The following ADAMTS16 variants were observed in gnomAD, a reference collection of about 807,000 sequenced individuals.
The protein encoded by ADAMTS16 is ADAM metallopeptidase with thrombospondin type 1 motif 16, also known as A disintegrin and metalloproteinase with thrombospondin motifs 16.
Under a neutral mutation model 145.8 loss-of-function variants are expected in ADAMTS16, and 94 were observed. The observed-to-expected ratio is 0.64, with a 90% CI of 0.55 to 0.77. The LOEUF (loss-of-function observed/expected upper bound fraction) is 0.77, where lower values mean the gene tolerates loss of function less well. Among genes scored for constraint, ADAMTS16 ranks in the 30% least tolerant of loss-of-function variants. The probability of loss-of-function intolerance (pLI) is 0.00; values close to 1 mark genes in which losing one functional copy is unlikely to be tolerated. For missense variants in ADAMTS16, 1,585 were observed against 1,591.5 expected (o/e 1.00, Z 0.07); for synonymous variants, 659 against 604.3 (o/e 1.09, Z -1.33).
At chr5:5,273,795 A>C (rs1399207008) in intron 18 of ADAMTS16, among the ~76,000 whole-genome samples, 1 of 152,236 alleles carries the variant, frequency 6.6e-6, no homozygotes, top group Non-Finnish European at 1.5e-5. Context: ...ATAGACAAAC[A>C]CAATAAACCG....
intron 9 of ADAMTS16, among the ~76,000 whole-genome samples, chr5:5,204,164 T>C (rs969171379): frequency 1.3e-5 from 2 of 152,154 alleles, no homozygotes; most frequent in Admixed American, 1.3e-4. Flanking sequence ...TAACCTTTTC[T>C]GAGGGCCTCA....
At position 5,222,795 on chromosome 5, in the gene ADAMTS16, T is replaced by C; in HGVS notation, c.1612T>C (p.Cys538Arg). Residue 538 changes from cysteine to arginine, a missense_variant, in exon 11 of 23, where the codon TGT becomes CGT. Cys to Arg is a radical substitution (Grantham distance 180, BLOSUM62 -3). Coordinates refer to ENST00000274181, the MANE Select transcript of ADAMTS16 (RefSeq NM_139056.4). The part of the protein sequence containing the change: ...LCMLDFKKDI[C>R]KALWCHRIGR... ...TTTTACAAAATTTCTTTAGGACATC[T>C]GTAAAGCCCTGTGGTGCCATCGTAT... The C allele has an allele frequency of 6.2e-7, 1 of 1,614,054 alleles. No individual in the cohort carries two copies. Among genetic ancestry groups the C allele is most frequent in the Non-Finnish European group, 8.5e-7 (1 of 1,179,918 alleles).
At chr5:5,291,145 C>T (rs16875268) in intron 18 of ADAMTS16, among the ~76,000 whole-genome samples, 34,058 of 151,712 alleles carry the variant, frequency 0.22, 4,180 homozygotes, top group Admixed American at 0.38. Context: ...TTACCAATGC[C>T]GGAAAATCAC....
At chr5:5,281,240 A>G (rs956221751) in intron 18 of ADAMTS16, among the ~76,000 whole-genome samples, 5 of 152,188 alleles carry the variant, frequency 3.3e-5, no homozygotes, top group African/African-American at 1.2e-4. Flanking sequence ...CCTAAGTTAC[A>G]TAAGCTCCAG....
chr5:5,240,024 A>G (rs942369585), intron 16 of ADAMTS16, 99 bp downstream of exon 16: 1 of 1,517,392 alleles, frequency 6.6e-7, no homozygotes, highest in Admixed American at 2.0e-5. Flanking sequence ...AAGAATGTAA[A>G]CAGTTATAAA....
intron 18 of ADAMTS16, among the ~76,000 whole-genome samples, chr5:5,282,506 G>A (rs139355734): frequency 2.1e-4 from 32 of 152,198 alleles, no homozygotes; most frequent in African/African-American, 7.2e-4. Context: ...AAATCCACAT[G>A]CGGTTCACAA....
intron 18 of ADAMTS16, among the ~76,000 whole-genome samples, chr5:5,292,175 A>C (rs1739350006): frequency 6.6e-6 from 1 of 152,196 alleles, no homozygotes; most frequent in African/African-American, 2.4e-5. Context: ...TGTCTTATTC[A>C]TTCTGCAGTC....
At chr5:5,235,809 A>C (rs1402887740) in intron 13 of ADAMTS16, among the ~76,000 whole-genome samples, 1 of 148,352 alleles carries the variant, frequency 6.7e-6, no homozygotes, top group African/African-American at 2.6e-5. Flanking sequence ...ATTGCTTGAA[A>C]CTGGGAACAT....
chr5:5,174,580 T>C (rs1181011481), intron 3 of ADAMTS16, among the ~76,000 whole-genome samples: 1 of 152,162 alleles, frequency 6.6e-6, no homozygotes, highest in African/African-American at 2.4e-5. Flanking sequence ...CAATAACTCT[T>C]AGATTTGCCA....
intron 14 of ADAMTS16, among the ~76,000 whole-genome samples, chr5:5,237,639 C>T (rs778078825): frequency 9.2e-5 from 14 of 152,056 alleles, no homozygotes; most frequent in Admixed American, 1.3e-4. Flanking sequence ...ACAGTGGAGC[C>T]ACAGGATTTG....
chr5:5,147,992 G>GA, intron 3 of ADAMTS16, among the ~76,000 whole-genome samples: 1 of 152,308 alleles, frequency 6.6e-6, no homozygotes, highest in Non-Finnish European at 1.5e-5. Flanking sequence ...GCAGTAGCTT[G>GA]AAATTTCTGG....
chr5:5,290,841 A>C (rs540142430), intron 18 of ADAMTS16, among the ~76,000 whole-genome samples: 1 of 152,198 alleles, frequency 6.6e-6, no homozygotes, highest in African/African-American at 2.4e-5. Context: ...GTAGGACCTG[A>C]AAGGCCTGTT....
chr5:5,211,186 A>G (rs1220785084), intron 10 of ADAMTS16, among the ~76,000 whole-genome samples: 1 of 152,180 alleles, frequency 6.6e-6, no homozygotes, highest in Non-Finnish European at 1.5e-5. Context: ...AATGTTGATT[A>G]GAATTCACCA....
chr5:5,184,718 A>G (rs112235733), intron 4 of ADAMTS16, among the ~76,000 whole-genome samples: 3,420 of 151,950 alleles, frequency 0.023, 121 homozygotes, highest in African/African-American at 0.077. Flanking sequence ...TCTGGGGACA[A>G]CGTTGCAAGC....
intron 7 of ADAMTS16, among the ~76,000 whole-genome samples, chr5:5,190,877 C>T (rs531652875): frequency 1.2e-4 from 19 of 152,162 alleles, no homozygotes; most frequent in South Asian, 4.2e-4. Context: ...GTTCCCACTG[C>T]CCTACCTCCA....
At chr5:5,305,035 ATC>A (rs1740001719) in intron 20 of ADAMTS16, among the ~76,000 whole-genome samples, 1 of 42,686 alleles carries the variant, frequency 2.3e-5, no homozygotes, top group African/African-American at 9.3e-5. Context: ...ACACACATCC[ATC>A]CCACACCACA....
intron 10 of ADAMTS16, among the ~76,000 whole-genome samples, chr5:5,214,313 G>A (rs1736365053): frequency 6.6e-6 from 1 of 152,170 alleles, no homozygotes; most frequent in East Asian, 1.9e-4. Flanking sequence ...TGAAAAAACA[G>A]TACATCTATT....
chr5:5,197,693 A>C (rs1192107177), intron 8 of ADAMTS16, among the ~76,000 whole-genome samples: 1 of 152,218 alleles, frequency 6.6e-6, no homozygotes, highest in Non-Finnish European at 1.5e-5. Flanking sequence ...TTATCTTCAA[A>C]ATGTGTTCTA....
Position 5,262,737 on chromosome 5 carries a change from C to T in ADAMTS16, c.2743C>T (p.Pro915Ser). ...GTCCTTCTGCAATCCCAAGACACGACCTGTCACGGGGCTGGTGCCTTGCAA... is the reference window on the plus strand; with the variant it reads ...GTCCTTCTGCAATCCCAAGACACGATCTGTCACGGGGCTGGTGCCTTGCAA... Reference protein sequence around the residue: ...NMSFCNPKTRPVTGLVPCKVS... With the variant: ...NMSFCNPKTRSVTGLVPCKVS... The change falls in exon 18 of 23, where the codon CCT (proline) becomes TCT (serine). Residue 915 changes from proline to serine, a missense_variant. Coordinates refer to ENST00000274181, the MANE Select transcript of ADAMTS16 (RefSeq NM_139056.4). 1.2e-6 allele frequency: 2 copies of T among 1,614,240 alleles called. No individual in the cohort carries two copies. Among genetic ancestry groups the T allele is most frequent in the South Asian group, 1.1e-5 (1 of 91,088 alleles).
Sources: allele counts gnomAD v4.1 joint callset (sites outside exome capture counted in the v4.1 genomes callset), GRCh38; gene constraint gnomAD v4.1.1; transcripts MANE v1.5; gene names NCBI Gene and HGNC (gene_info 2026-07-23, HGNC 2026-07-21).